The following KIF15 variants were observed in gnomAD, a reference collection of about 807,000 sequenced individuals.
KIF15 encodes kinesin family member 15, also known as kinesin-like protein KIF15.
KIF15 carries 140 observed loss-of-function variants against 190.6 expected under a neutral mutation model. The observed-to-expected ratio is 0.73, with a 90% CI of 0.64 to 0.84. KIF15 has a LOEUF of 0.84. Among genes scored for constraint, KIF15 ranks in the 40% least tolerant of loss-of-function variants. KIF15 has a pLI of 0.00. For missense variants in KIF15, 1,372 were observed against 1,584.4 expected (o/e 0.87, Z 2.28); for synonymous variants, 528 against 551.3 (o/e 0.96, Z 0.59).
intron 15 of KIF15, 46 bp from the exon 16 acceptor site, chr3:44,805,799 G>T: frequency 6.5e-7 from 1 of 1,543,050 alleles, no homozygotes; most frequent in South Asian, 1.2e-5. Context: ...ATAAATGTTT[G>T]ACATTACTTA....
At chr3:44,850,283 T>C (rs9837796) in intron 32 of KIF15, among the ~76,000 whole-genome samples, 64,718 of 152,068 alleles carry the variant, frequency 0.43, 15,467 homozygotes, top group East Asian at 0.83. Context: ...TTTTCACCTG[T>C]GTATGAGCCA....
intron 1 of KIF15, among the ~76,000 whole-genome samples, chr3:44,771,629 C>T (rs911811381): frequency 3.3e-5 from 5 of 152,026 alleles, no homozygotes; most frequent in Non-Finnish European, 7.4e-5. Flanking sequence ...TCCAGATTAC[C>T]GTAAGTTATT....
intron 27 of KIF15, 84 bp downstream of exon 27, chr3:44,838,505 A>T (rs2125710542): frequency 7.1e-7 from 1 of 1,402,374 alleles, no homozygotes; most frequent in East Asian, 2.5e-5. Context: ...GCACTTTGAG[A>T]GGCCAAGGGG....
At chr3:44,868,565 C>G (rs1355822244) in intron 6 of KIF15, among the ~76,000 whole-genome samples, 2 of 152,202 alleles carry the variant, frequency 1.3e-5, no homozygotes, top group Non-Finnish European at 2.9e-5. Context: ...GAGGACATAG[C>G]AAGAAGGAGA....
chr3:44,815,082 G>T lies in KIF15; in HGVS notation c.2549+6G>T, dbSNP rs374713119. The stretch of plus-strand genomic sequence containing the variant: ...CTTCAATTAGATAATCTCAGGTAGA[G>T]TTGTTCTTTTATGGTTTCAAGTTGC... On this transcript the variant is annotated splice_donor_region_variant and intron_variant, in intron 20 of 34. Coordinates refer to ENST00000326047, the MANE Select transcript of KIF15 (RefSeq NM_020242.3). The T allele has an allele frequency of 1.8e-5, 28 of 1,564,914 alleles. No individual in the cohort carries two copies. In the African/African-American group the frequency reaches 3.3e-4, roughly 19 times the overall value.
intron 4 of KIF15, 81 bp from the exon 5 acceptor site, chr3:44,780,804 A>T: frequency 1.1e-6 from 1 of 875,858 alleles, no homozygotes. Context: ...TTGTGGAGAA[A>T]ACTTATACAC....
chr3:44,778,291 C>A (rs1375873073), intron 4 of KIF15, 100 bp downstream of exon 4: 3 of 913,010 alleles, frequency 3.3e-6, no homozygotes, highest in Non-Finnish European at 5.5e-6. Context: ...TAAAACAACA[C>A]AAATGTATTA....
rs141388947 is a variant in KIF15 at position 44,797,675 on chromosome 3, G to A, written c.974G>A (p.Arg325Gln). 18 of 1,613,534 alleles carry A rather than the reference G, an allele frequency of 1.1e-5. No individual in the cohort carries two copies. Among genetic ancestry groups the A allele is most frequent in the African/African-American group, 5.3e-5 (4 of 74,902 alleles). The stretch of plus-strand genomic sequence containing the variant: ...GACTCCAAACTTACCTTCTTACTAC[G>A]GGTAAAGTAGATCCTTGGGTTCCTG... ...YRDSKLTFLL[R>Q]DSLGGNAKTA... Residue 325 changes from arginine (R) to glutamine (Q), a missense_variant and splice_region_variant, in exon 9 of 35, where the codon CGG becomes CAG. By Grantham distance (43) the Arg-to-Gln change is conservative. Transcript: ENST00000326047.
intron 4 of KIF15, 101 bp downstream of exon 4, chr3:44,778,292 A>T (rs1306779321): frequency 1.1e-6 from 1 of 914,194 alleles, no homozygotes; most frequent in East Asian, 2.4e-5. Context: ...AAAACAACAC[A>T]AATGTATTAT....
chr3:44,767,894 CAAAAAAA>C (rs1181321859), intron 1 of KIF15, among the ~76,000 whole-genome samples: 1 of 37,140 alleles, frequency 2.7e-5, no homozygotes, highest in South Asian at 8.3e-4. Context: ...GACTCCATCT[CAAAAAAA>C]AAAAAAAAAA....
rs1699336616 is a variant in KIF15 at position 44,867,774 on chromosome 3, A to G, written c.*60-5555A>G. Among the ~76,000 whole-genome samples the G allele has an allele frequency of 2.6e-5, 4 of 152,256 alleles. No individual in the cohort carries two copies. The South Asian group carries it at 8.3e-4, about 32-fold the overall frequency. On this transcript the variant is annotated intron_variant and NMD_transcript_variant, in intron 6 of 6. Coordinates refer to the KIF15 transcript ENST00000422209. Reference sequence around the variant, plus strand: ...GATACAACTCTATAGTCATCTAAAAAGTTGAGGAAACGTTCACTGTATTTA... The same window carrying G: ...GATACAACTCTATAGTCATCTAAAAGGTTGAGGAAACGTTCACTGTATTTA...
chr3:44,860,089 GGTA>G (rs147029538), intron 6 of KIF15, among the ~76,000 whole-genome samples: 3,517 of 152,300 alleles, frequency 0.023, 59 homozygotes, highest in Middle Eastern at 0.037. Flanking sequence ...CTGGTACAAA[GGTA>G]GGGGAGTAGC....
intron 29 of KIF15, 74 bp downstream of exon 29, chr3:44,841,312 G>A (rs1038089530): frequency 1.6e-6 from 2 of 1,226,464 alleles, no homozygotes; most frequent in African/African-American, 3.1e-5. Flanking sequence ...CCCAGGCTGG[G>A]CTCAAGTGAT....
chr3:44,829,427 AATATATATGT>A (rs1427550862), intron 24 of KIF15, among the ~76,000 whole-genome samples: 9 of 139,702 alleles, frequency 6.4e-5, no homozygotes, highest in African/African-American at 2.1e-4. Context: ...ATGTATATAT[AATATATATGT>A]ATATATTATA....
chr3:44,837,517 C>G (rs995436983), intron 26 of KIF15, among the ~76,000 whole-genome samples: 2 of 151,778 alleles, frequency 1.3e-5, no homozygotes, highest in African/African-American at 2.4e-5. Context: ...TGTGATGTGT[C>G]AAGTTTTTTT....
chr3:44,781,375 G>A (rs1175132078), intron 5 of KIF15, among the ~76,000 whole-genome samples: 1 of 152,030 alleles, frequency 6.6e-6, no homozygotes, highest in Admixed American at 6.6e-5. Context: ...AAGTTTCTGC[G>A]ATTCACTCAT....
intron 33 of KIF15, 26 bp from the exon 34 acceptor site, chr3:44,852,182 T>A: frequency 6.3e-7 from 1 of 1,587,932 alleles, no homozygotes; most frequent in Non-Finnish European, 8.6e-7. Context: ...TTCTCATTTT[T>A]CCCTCCTTGG....
chr3:44,861,775 G>T (rs553954987), intron 6 of KIF15: 10 of 876,038 alleles, frequency 1.1e-5, no homozygotes, highest in Non-Finnish European at 1.7e-5. Flanking sequence ...CACCTGGCCC[G>T]CCCCCTCCGA....
chr3:44,827,355 TGCCTAACAAAG>T, intron 22 of KIF15, 93 bp from the exon 23 acceptor site: 3 of 762,424 alleles, frequency 3.9e-6, no homozygotes, highest in Middle Eastern at 2.4e-4. Context: ...ACCAAGGGTG[TGCCTAACAAAG>T]TTCATTTGCA....
Sources: gnomAD v4.1 joint callset for allele counts (sites outside exome capture counted in the v4.1 genomes callset) on GRCh38, gnomAD v4.1.1 for gene constraint, MANE v1.5 for transcripts, NCBI Gene and HGNC (gene_info 2026-07-23, HGNC 2026-07-21) for gene names.